The following ANKRD17 variants were observed in gnomAD, a reference collection of about 807,000 sequenced individuals.
The protein encoded by ANKRD17 is ankyrin repeat domain 17.
ANKRD17 carries 19 observed loss-of-function variants against 229.7 expected under a neutral mutation model. That is an observed-to-expected ratio of 0.08 (90% confidence interval 0.06 to 0.12). The LOEUF is 0.12. ANKRD17 is among the 10% of genes least tolerant of loss of function. ANKRD17 has a pLI of 1.00. For synonymous variants in ANKRD17, 1,112 were observed against 1,146.1 expected, an observed-to-expected ratio of 0.97 and a Z score of 0.60; for missense variants, 2,176 against 3,176.8, an observed-to-expected ratio of 0.68 and a Z score of 7.57.
intron 2 of ANKRD17, among the ~76,000 whole-genome samples, chr4:73,174,757 T>C (rs1282412052): frequency 1.3e-5 from 2 of 152,166 alleles, no homozygotes; most frequent in Admixed American, 6.6e-5. Context: ...CAAAACTCAG[T>C]ACCATGTCTA....
chr4:73,238,774 T>C (rs1160877940), intron 1 of ANKRD17, among the ~76,000 whole-genome samples: 3 of 152,118 alleles, frequency 2.0e-5, no homozygotes, highest in African/African-American at 7.2e-5. Context: ...AGGGAGGCCA[T>C]AAAAGGATGG....
intron 16 of ANKRD17, among the ~76,000 whole-genome samples, chr4:73,134,078 C>A (rs1237020411): frequency 6.6e-6 from 1 of 152,084 alleles, no homozygotes. Flanking sequence ...AAAGTCAGTA[C>A]ATAAAAAACA....
At position 73,250,270 on chromosome 4, in the gene ANKRD17, T is replaced by C. The variant is rs552606404; in HGVS notation, c.393+8006A>G. Among the ~76,000 whole-genome samples, 5 of 152,236 alleles carry C rather than the reference T, an allele frequency of 3.3e-5. No homozygotes were observed. In the South Asian group the frequency reaches 1.0e-3, roughly 32 times the overall value. On this transcript the variant is annotated intron_variant, in intron 1 of 33. Coordinates refer to ENST00000358602, the MANE Select transcript of ANKRD17 (RefSeq NM_032217.5). Reference sequence around the variant, plus strand: ...CCATTCTTATCAGCATAATTCACTATGATCAGCAAGCTTTGAGAAATTTCA... The same window carrying C: ...CCATTCTTATCAGCATAATTCACTACGATCAGCAAGCTTTGAGAAATTTCA...
At position 73,076,977 on chromosome 4, in the gene ANKRD17, A is replaced by G; in HGVS notation, c.7715T>C (p.Met2572Thr). Reference protein sequence around the residue: ...ADPSWNSLIKMVSSSTENNGP... With the variant: ...ADPSWNSLIKTVSSSTENNGP... ...ATTATTTTCCGTGGAGCTGGAAACC[A>G]TCTTTATCAGTGAGTTCCAAGAAGG... The change falls in exon 33 of 34, where the codon ATG (methionine) becomes ACG (threonine). Residue 2572 changes from methionine (M) to threonine (T), a missense_variant. By Grantham distance (81) the Met-to-Thr change is moderately conservative. Coordinates refer to ENST00000358602, the MANE Select transcript of ANKRD17 (RefSeq NM_032217.5). 1 of 1,613,184 alleles carries G rather than the reference A, an allele frequency of 6.2e-7. No homozygotes were observed. The highest frequency in any genetic ancestry group is 8.5e-7 in the Non-Finnish European group (1 of 1,179,582).
chr4:73,077,221 T>TAGA (rs1721089332), intron 32 of ANKRD17, 117 bp from the exon 33 acceptor site: 1 of 1,329,158 alleles, frequency 7.5e-7, no homozygotes. Flanking sequence ...ATGTGTAACT[T>TAGA]ATCTAAGAAA....
chr4:73,101,282 G>A (rs1474871524), intron 25 of ANKRD17: 27 of 893,734 alleles, frequency 3.0e-5, no homozygotes, highest in Non-Finnish European at 3.5e-5. Flanking sequence ...GATCTGGATT[G>A]TAGATGATAT....
intron 1 of ANKRD17, among the ~76,000 whole-genome samples, chr4:73,256,352 C>T (rs763322989): frequency 2.6e-5 from 4 of 152,248 alleles, no homozygotes; most frequent in Non-Finnish European, 5.9e-5. Context: ...CTGCATTCAA[C>T]TATCATAACC....
intron 30 of ANKRD17, 87 bp downstream of exon 30, chr4:73,085,162 G>A (rs771668773): frequency 1.1e-5 from 15 of 1,365,268 alleles, no homozygotes; most frequent in Non-Finnish European, 1.5e-5. Context: ...CCTTTTTATG[G>A]TATTAAAATT....
intron 1 of ANKRD17, among the ~76,000 whole-genome samples, chr4:73,178,997 G>T (rs890648025): frequency 1.4e-4 from 22 of 151,896 alleles, no homozygotes; most frequent in African/African-American, 5.1e-4. Context: ...ATACAATCAC[G>T]CTCATGCCTA....
chr4:73,107,552 T>C (rs775525789), intron 24 of ANKRD17, among the ~76,000 whole-genome samples: 2 of 152,186 alleles, frequency 1.3e-5, no homozygotes, highest in Non-Finnish European at 2.9e-5. Flanking sequence ...GAAAAATGTG[T>C]GTATGGAGAC....
intron 16 of ANKRD17, among the ~76,000 whole-genome samples, chr4:73,130,143 C>A (rs999883468): frequency 7.9e-5 from 12 of 152,130 alleles, no homozygotes; most frequent in African/African-American, 2.9e-4. Context: ...TACACTTCCA[C>A]AACCTTCAAA....
intron 1 of ANKRD17, among the ~76,000 whole-genome samples, chr4:73,190,967 T>C (rs1237640594): frequency 5.9e-5 from 9 of 151,856 alleles, no homozygotes; most frequent in Non-Finnish European, 1.5e-5. Flanking sequence ...GATTCAATAG[T>C]GTAAAGATGT....
chr4:73,104,777 AT>A (rs1158484382), intron 24 of ANKRD17, among the ~76,000 whole-genome samples: 1 of 151,814 alleles, frequency 6.6e-6, no homozygotes, highest in Admixed American at 6.6e-5. Flanking sequence ...GGGGTGGAGA[AT>A]TTTTTTTAAA....
At chr4:73,132,205 T>C (rs939957533) in intron 16 of ANKRD17, among the ~76,000 whole-genome samples, 3 of 150,268 alleles carry the variant, frequency 2.0e-5, no homozygotes, top group Non-Finnish European at 3.0e-5. Flanking sequence ...GCCTTCTGGG[T>C]TCAAGTGCTT....
chr4:73,111,282 TG>T (rs1725286088), intron 24 of ANKRD17, among the ~76,000 whole-genome samples: 1 of 152,186 alleles, frequency 6.6e-6, no homozygotes, highest in Non-Finnish European at 1.5e-5. Context: ...TCTTGCACTT[TG>T]GGGCCATTAT....
Position 73,163,970 on chromosome 4 carries a change from A to G in ANKRD17, c.548-2622T>C, listed in dbSNP as rs201592588. ...AAAATGTTCAGAGTAGTCAAATTTC[A>G]TATCTGCTACAGTTAAGATGTATAA... On this transcript the variant is annotated intron_variant, in intron 2 of 33. Coordinates refer to ENST00000358602, the MANE Select transcript of ANKRD17 (RefSeq NM_032217.5). Among the ~76,000 whole-genome samples, 7 of 152,320 alleles carry G rather than the reference A, an allele frequency of 4.6e-5. No homozygotes were observed. The East Asian group carries it at 1.3e-3, about 29-fold the overall frequency.
intron 25 of ANKRD17, among the ~76,000 whole-genome samples, chr4:73,099,386 G>A (rs534975237): frequency 2.0e-5 from 3 of 151,938 alleles, no homozygotes; most frequent in Non-Finnish European, 4.4e-5. Flanking sequence ...CCAGCTCCCC[G>A]CAACCACCCA....
In ANKRD17 at chr4:73,170,029, A is replaced by G. The variant is rs1733772269; in HGVS notation, c.547+7351T>C. ...GGACTGCAATTCCTAGGCAAGTCCT[A>G]GTGCCAAGATGGACTTGGAGTCACT... On this transcript the variant is annotated intron_variant, in intron 2 of 33. Transcript: ENST00000358602. Among the ~76,000 whole-genome samples, 3 of 152,182 alleles carry G rather than the reference A, an allele frequency of 2.0e-5. No homozygotes were observed. In the South Asian group the frequency reaches 6.2e-4, roughly 32 times the overall value.
chr4:73,090,345 G>A (rs2110155789), intron 29 of ANKRD17, among the ~76,000 whole-genome samples: 1 of 152,306 alleles, frequency 6.6e-6, no homozygotes, highest in Admixed American at 6.5e-5. Context: ...GGGAGGCAGA[G>A]GTTGCGGTGA....
Sources: allele counts gnomAD v4.1 joint callset (sites outside exome capture counted in the v4.1 genomes callset), GRCh38; gene constraint gnomAD v4.1.1; transcripts MANE v1.5; gene names NCBI Gene and HGNC (gene_info 2026-07-23, HGNC 2026-07-21).